Variants in FGGY observed in about 807,000 individuals in gnomAD.
The protein encoded by FGGY is FGGY carbohydrate kinase domain-containing protein.
In FGGY, 72 loss-of-function variants were observed where a neutral mutation model predicts 71.3. The observed-to-expected ratio is 1.01, with a 90% CI of 0.84 to 1.23. The LOEUF is 1.23. Ranked by LOEUF, FGGY falls within the 50% of genes most tolerant of loss-of-function variation. The probability of loss-of-function intolerance (pLI) is 0.00; values close to 1 mark genes in which losing one functional copy is unlikely to be tolerated. For synonymous variants in FGGY, 251 were observed against 250.3 expected (o/e 1.00, Z -0.02); for missense variants, 668 against 682.3 (o/e 0.98, Z 0.23).
At chr1:59,556,603 G>T (rs2095690258) in intron 8 of FGGY, among the ~76,000 whole-genome samples, 1 of 152,150 alleles carries the variant, frequency 6.6e-6, no homozygotes, top group Non-Finnish European at 1.5e-5. Context: ...TTGTCCAGAG[G>T]CAAGCTTGAA....
intron 2 of FGGY, among the ~76,000 whole-genome samples, chr1:59,331,598 C>T (rs573808215): frequency 1.3e-5 from 2 of 152,178 alleles, no homozygotes; most frequent in East Asian, 3.9e-4. Context: ...TCCTAATCCC[C>T]CTGAGTAATC....
chr1:59,427,637 C>G (rs2066628529), intron 5 of FGGY, among the ~76,000 whole-genome samples: 1 of 152,292 alleles, frequency 6.6e-6, no homozygotes, highest in East Asian at 1.9e-4. Flanking sequence ...TCCTCTGTAC[C>G]TGTCACAGAA....
At chr1:59,486,058 G>C (rs1405880377) in intron 6 of FGGY, among the ~76,000 whole-genome samples, 2 of 152,170 alleles carry the variant, frequency 1.3e-5, no homozygotes, top group Non-Finnish European at 2.9e-5. Context: ...ACATCACTTA[G>C]AGCCCCTGTG....
intron 8 of FGGY, among the ~76,000 whole-genome samples, chr1:59,569,641 T>G (rs1026593472): frequency 1.3e-5 from 2 of 152,216 alleles, no homozygotes; most frequent in East Asian, 3.8e-4. Context: ...TCTGATTGCT[T>G]AATAGAAACC....
chr1:59,517,870 A>T (rs1315499501), intron 7 of FGGY, among the ~76,000 whole-genome samples: 1 of 152,256 alleles, frequency 6.6e-6, no homozygotes, highest in East Asian at 1.9e-4. Flanking sequence ...GTAACCTCTC[A>T]TTCAAAGGCA....
At chr1:59,609,981 G>T (rs1219777693) in intron 9 of FGGY, among the ~76,000 whole-genome samples, 2 of 152,220 alleles carry the variant, frequency 1.3e-5, no homozygotes, top group Admixed American at 1.3e-4. Context: ...GAAAAGTTGA[G>T]AAGGAAGACA....
intron 4 of FGGY, among the ~76,000 whole-genome samples, chr1:59,363,836 G>A (rs1363966626): frequency 6.6e-6 from 1 of 152,118 alleles, no homozygotes; most frequent in Non-Finnish European, 1.5e-5. Flanking sequence ...GGACCGTTAG[G>A]GATCCATCAT....
At chr1:59,325,608 G>A (rs1436951799) in intron 2 of FGGY, among the ~76,000 whole-genome samples, 2 of 152,186 alleles carry the variant, frequency 1.3e-5, no homozygotes, top group African/African-American at 4.8e-5. Flanking sequence ...AGCTCTTAGA[G>A]AGATTCATCT....
At chr1:59,590,264 A>C (rs1369337433) in intron 8 of FGGY, among the ~76,000 whole-genome samples, 1 of 152,228 alleles carries the variant, frequency 6.6e-6, no homozygotes, top group East Asian at 1.9e-4. Flanking sequence ...TGAATAGAAC[A>C]ATAACAGGAT....
intron 7 of FGGY, among the ~76,000 whole-genome samples, chr1:59,525,430 A>G (rs1156247616): frequency 6.6e-6 from 1 of 152,176 alleles, no homozygotes; most frequent in Non-Finnish European, 1.5e-5. Flanking sequence ...CGAGGATCCC[A>G]TGACAGTACT....
At chr1:59,701,949 A>C (rs116457600) in intron 14 of FGGY, among the ~76,000 whole-genome samples, 2 of 152,322 alleles carry the variant, frequency 1.3e-5, no homozygotes, top group African/African-American at 4.8e-5. Context: ...TTACACTGCT[A>C]TAAAGATACT....
At chr1:59,397,602 C>T (rs2061474006) in intron 5 of FGGY, among the ~76,000 whole-genome samples, 2 of 152,154 alleles carry the variant, frequency 1.3e-5, no homozygotes, top group Admixed American at 6.5e-5. Flanking sequence ...CAGACATCTG[C>T]AGGGTGTAGG....
chr1:59,603,429 G>A (rs1441073653), intron 8 of FGGY, among the ~76,000 whole-genome samples: 3 of 152,192 alleles, frequency 2.0e-5, no homozygotes, highest in South Asian at 2.1e-4. Flanking sequence ...TGGTTGTTCA[G>A]CCAGTCACCT....
intron 11 of FGGY, among the ~76,000 whole-genome samples, chr1:59,657,891 C>T (rs764907989): frequency 1.3e-5 from 2 of 152,160 alleles, no homozygotes; most frequent in Non-Finnish European, 2.9e-5. Context: ...TTCCAGTGTT[C>T]TTTTCTCTTG....
rs558658154 is a variant in FGGY, at chr1:59,446,427, C to T, written c.555-10534C>T. Reference sequence around the variant, plus strand: ...TGTTGCATCATTGCATATATTATTTCAGCCTGTCACGGGCCTGTCAGCAAG... The same window carrying T: ...TGTTGCATCATTGCATATATTATTTTAGCCTGTCACGGGCCTGTCAGCAAG... On this transcript the variant is annotated intron_variant, in intron 5 of 15. Transcript: ENST00000303721. Among the ~76,000 whole-genome samples, 3 of 152,228 alleles carry T rather than the reference C, an allele frequency of 2.0e-5. No homozygotes were observed. In the East Asian group the frequency reaches 5.8e-4, roughly 29 times the overall value.
At position 59,346,286 on chromosome 1, in the gene FGGY, G is replaced by C; in HGVS notation, c.353G>C (p.Arg118Pro). 2 of 1,612,662 alleles carry C rather than the reference G, an allele frequency of 1.2e-6. No individual in the cohort carries two copies. The highest frequency in any genetic ancestry group is 1.7e-6 in the Non-Finnish European group (2 of 1,179,746). Residue 118 changes from arginine to proline, a missense_variant, in exon 4 of 16, where the codon CGA becomes CCA. Physicochemically the swap from Arg to Pro is moderately radical, Grantham distance 103. Around this residue, in one of 2 missense-constraint regions of FGGY, gnomAD observed 661 missense variants for 661.6 expected, o/e 1.00. Coordinates refer to ENST00000303721, the MANE Select transcript of FGGY (RefSeq NM_018291.5). ...AACGTCATCATGTGGCTGGACCATCGAGCAGTCAGTCAAGTTAACAGGATC... is the reference window on the plus strand; with the variant it reads ...AACGTCATCATGTGGCTGGACCATCCAGCAGTCAGTCAAGTTAACAGGATC... ...HRNVIMWLDH[R>P]AVSQVNRINE...
intron 8 of FGGY, among the ~76,000 whole-genome samples, chr1:59,568,727 G>A (rs1310742369): frequency 6.6e-6 from 1 of 152,104 alleles, no homozygotes; most frequent in Non-Finnish European, 1.5e-5. Flanking sequence ...CTTCACAGCT[G>A]TTTATGCATA....
intron 1 of FGGY, among the ~76,000 whole-genome samples, chr1:59,317,874 A>G (rs1219657044): frequency 6.6e-6 from 1 of 152,210 alleles, no homozygotes; most frequent in African/African-American, 2.4e-5. Context: ...TGCCCTGGTA[A>G]TAAGTTATAG....
Position 59,589,856 on chromosome 1 carries a change from T to C in FGGY, c.904-17947T>C, listed in dbSNP as rs375743063. Among the ~76,000 whole-genome samples, 8 of 151,576 alleles carry C rather than the reference T, an allele frequency of 5.3e-5. No homozygotes were observed. The East Asian group carries it at 5.8e-4, about 11-fold the overall frequency. On this transcript the variant is annotated intron_variant, in intron 8 of 15. Coordinates refer to ENST00000303721, the MANE Select transcript of FGGY (RefSeq NM_018291.5). ...AGCAGGAAAGATCCAAAATTGACAC[T>C]CTAACATCACAATTAAAAGAACTAG...
Sources: allele counts gnomAD v4.1 joint callset (sites outside exome capture counted in the v4.1 genomes callset), GRCh38; gene constraint gnomAD v4.1.1; regional missense constraint gnomAD v4.1.1; transcripts MANE v1.5; gene names NCBI Gene and HGNC (gene_info 2026-07-23, HGNC 2026-07-21).